Variants in ADAMTSL1 observed in about 807,000 individuals in gnomAD.
ADAMTSL1 encodes the protein ADAMTS-like protein 1.
In ADAMTSL1, 126 loss-of-function variants were observed where a neutral mutation model predicts 201.8. That is an observed-to-expected ratio of 0.62 (90% confidence interval 0.54 to 0.72). The LOEUF (loss-of-function observed/expected upper bound fraction) is 0.72, where lower values mean the gene tolerates loss of function less well. ADAMTSL1 is among the 30% of genes least tolerant of loss of function. The pLI, the probability that ADAMTSL1 is intolerant of heterozygous loss-of-function variation, is 0.00. For synonymous variants in ADAMTSL1, 1,121 were observed against 903.4 expected, an observed-to-expected ratio of 1.24 and a Z score of -4.32; for missense variants, 2,679 against 2,277.8, an observed-to-expected ratio of 1.18 and a Z score of -3.59.
intron 1 of ADAMTSL1, among the ~76,000 whole-genome samples, chr9:17,954,771 A>G (rs1408437704): frequency 1.3e-5 from 2 of 152,178 alleles, no homozygotes; most frequent in Non-Finnish European, 2.9e-5. Context: ...AAAGGGGAAA[A>G]AAAATTAAAC....
intron 20 of ADAMTSL1, among the ~76,000 whole-genome samples, chr9:18,807,675 C>T (rs551949125): frequency 1.2e-3 from 178 of 149,438 alleles, no homozygotes; most frequent in African/African-American, 4.0e-3. Context: ...AAAAACAAAG[C>T]ATACATAGTA....
intron 4 of ADAMTSL1, among the ~76,000 whole-genome samples, chr9:18,605,826 C>G (rs766374765): frequency 3.4e-4 from 51 of 152,142 alleles, no homozygotes; most frequent in Non-Finnish European, 6.8e-4. Flanking sequence ...GGGGTCAAAG[C>G]TGAGTATAAA....
At chr9:18,552,558 A>C (rs2132229283) in intron 3 of ADAMTSL1, among the ~76,000 whole-genome samples, 1 of 151,842 alleles carries the variant, frequency 6.6e-6, no homozygotes, top group South Asian at 2.1e-4. Context: ...GAGTATATCA[A>C]ATGTTTTGAA....
chr9:18,315,855 C>G (rs570908471), intron 2 of ADAMTSL1, among the ~76,000 whole-genome samples: 5 of 152,180 alleles, frequency 3.3e-5, no homozygotes, highest in Non-Finnish European at 7.3e-5. Flanking sequence ...AGAGAGCGAG[C>G]GAGGGCTGCT....
chr9:17,992,213 T>C (rs1288848701), intron 1 of ADAMTSL1, among the ~76,000 whole-genome samples: 1 of 151,802 alleles, frequency 6.6e-6, no homozygotes, highest in Non-Finnish European at 1.5e-5. Context: ...TGTGGAGAGG[T>C]TGGGGGTAGG....
chr9:18,134,908 A>G (rs745797227), intron 1 of ADAMTSL1, among the ~76,000 whole-genome samples: 13 of 152,198 alleles, frequency 8.5e-5, no homozygotes, highest in African/African-American at 2.7e-4. Context: ...TGCCACCATC[A>G]CAACTTCAAT....
chr9:18,716,658 A>T (rs985536152), intron 14 of ADAMTSL1, among the ~76,000 whole-genome samples: 4 of 146,926 alleles, frequency 2.7e-5, no homozygotes, highest in Non-Finnish European at 4.5e-5. Flanking sequence ...AACTAGTTCA[A>T]CCATTGTGGA....
chr9:18,063,113 G>C (rs1251697334), intron 1 of ADAMTSL1, among the ~76,000 whole-genome samples: 1 of 152,152 alleles, frequency 6.6e-6, no homozygotes. Context: ...AGGATTGCTT[G>C]AGGCCAGGAG....
chr9:18,238,577 T>A (rs1436816712), intron 2 of ADAMTSL1, among the ~76,000 whole-genome samples: 1 of 152,126 alleles, frequency 6.6e-6, no homozygotes, highest in Non-Finnish European at 1.5e-5. Flanking sequence ...GTGAGATGAG[T>A]CAGCACTGGT....
chr9:18,534,655 C>G (rs1292383876), intron 3 of ADAMTSL1, among the ~76,000 whole-genome samples: 4 of 152,202 alleles, frequency 2.6e-5, no homozygotes, highest in Admixed American at 2.0e-4. Context: ...GGCTCCACCC[C>G]TGCAGCAGAC....
chr9:18,416,823 G>A (rs1818696762), intron 2 of ADAMTSL1, among the ~76,000 whole-genome samples: 1 of 151,920 alleles, frequency 6.6e-6, no homozygotes, highest in African/African-American at 2.4e-5. Context: ...AATTCATAAA[G>A]TCAGAGATGT....
intron 7 of ADAMTSL1, among the ~76,000 whole-genome samples, chr9:18,656,376 T>A (rs576652835): frequency 3.3e-5 from 5 of 152,072 alleles, no homozygotes; most frequent in Admixed American, 3.3e-4. Flanking sequence ...TCACGCCTGT[T>A]ATCCCAGCAC....
intron 2 of ADAMTSL1, among the ~76,000 whole-genome samples, chr9:18,389,158 T>G (rs1046683888): frequency 6.9e-6 from 1 of 144,756 alleles, no homozygotes; most frequent in Non-Finnish European, 1.5e-5. Context: ...AGATTTCTTT[T>G]TATTTCAATA....
At chr9:18,194,738 A>C (rs1178818204) in intron 2 of ADAMTSL1, among the ~76,000 whole-genome samples, 1 of 152,004 alleles carries the variant, frequency 6.6e-6, no homozygotes, top group East Asian at 1.9e-4. Context: ...GGCAGAGGAG[A>C]AGCAGTGCTC....
At chr9:18,501,714 C>G (rs1822856306) in intron 1 of ADAMTSL1, among the ~76,000 whole-genome samples, 1 of 152,164 alleles carries the variant, frequency 6.6e-6, no homozygotes, top group Non-Finnish European at 1.5e-5. Flanking sequence ...AGAAAAATCA[C>G]TTTCTCCAAC....
chr9:18,017,705 G>C (rs1354569442), intron 1 of ADAMTSL1, among the ~76,000 whole-genome samples: 2 of 151,948 alleles, frequency 1.3e-5, no homozygotes, highest in Non-Finnish European at 2.9e-5. Context: ...GAGGAGCTGT[G>C]AACTGGCTAC....
chr9:18,461,689 G>A (rs1407657350), intron 2 of ADAMTSL1, among the ~76,000 whole-genome samples: 1 of 152,088 alleles, frequency 6.6e-6, no homozygotes, highest in Non-Finnish European at 1.5e-5. Flanking sequence ...GCAGACCTCA[G>A]GAGTGAGAGA....
At chr9:18,084,460 T>G (rs1823654382) in intron 1 of ADAMTSL1, among the ~76,000 whole-genome samples, 1 of 151,160 alleles carries the variant, frequency 6.6e-6, no homozygotes, top group Non-Finnish European at 1.5e-5. Flanking sequence ...AGGCGGAGGT[T>G]GCAGTGAGCC....
At chr9:18,134,700 A>G (rs2131979688) in intron 1 of ADAMTSL1, among the ~76,000 whole-genome samples, 1 of 152,342 alleles carries the variant, frequency 6.6e-6, no homozygotes, top group African/African-American at 2.4e-5. Flanking sequence ...CCTTAGATTT[A>G]CTAAAGTCAT....
Sources: gnomAD v4.1 joint callset for allele counts (sites outside exome capture counted in the v4.1 genomes callset) on GRCh38, gnomAD v4.1.1 for gene constraint, MANE v1.5 for transcripts, NCBI Gene and HGNC (gene_info 2026-07-23, HGNC 2026-07-21) for gene names.